Variants in CMTR1 observed in about 807,000 individuals in gnomAD.
The protein encoded by CMTR1 is cap methyltransferase 1, also known as cap-specific mRNA (nucleoside-2'-O-)-methyltransferase 1.
In CMTR1, 39 loss-of-function variants were observed where a neutral mutation model predicts 107.0. That is an observed-to-expected ratio of 0.36 (90% CI 0.28 to 0.48). The LOEUF (loss-of-function observed/expected upper bound fraction) is 0.48, where lower values mean the gene tolerates loss of function less well. CMTR1 is among the 20% of genes least tolerant of loss of function. CMTR1 has a pLI of 0.99. For missense variants in CMTR1, 672 were observed against 1,064.9 expected (o/e 0.63, Z 5.14); for synonymous variants, 366 against 379.5 (o/e 0.96, Z 0.41).
At chr6:37,441,292 A>C (rs1250404887) in intron 2 of CMTR1, among the ~76,000 whole-genome samples, 1 of 152,184 alleles carries the variant, frequency 6.6e-6, no homozygotes, top group Non-Finnish European at 1.5e-5. Context: ...GTCTTGAGCC[A>C]TTTAGAAGGC....
chr6:37,466,149 T>C (rs1761508008), intron 13 of CMTR1, among the ~76,000 whole-genome samples: 1 of 148,694 alleles, frequency 6.7e-6, no homozygotes. Flanking sequence ...AGTCTTGCTC[T>C]GTTACCAGGC....
chr6:37,461,328 G>A lies in CMTR1; in HGVS notation c.1096-221G>A, dbSNP rs540355475. On this transcript the variant is annotated intron_variant, in intron 10 of 23. Coordinates refer to ENST00000373451, the MANE Select transcript of CMTR1 (RefSeq NM_015050.3). The stretch of plus-strand genomic sequence containing the variant: ...CCATCCCCTGAGAATGACAGAGCAG[G>A]AAAGTGGAGCTGGTCCAGTAGTAGG... 1.8e-3 allele frequency among the ~76,000 whole-genome samples: 274 copies of A among 152,328 alleles called. 1 individual carries two copies. Among genetic ancestry groups the A allele is most frequent in the African/African-American group, 6.3e-3 (260 of 41,572 alleles).
intron 14 of CMTR1, among the ~76,000 whole-genome samples, chr6:37,471,339 G>A (rs1487393374): frequency 6.6e-6 from 1 of 152,208 alleles, no homozygotes; most frequent in African/African-American, 2.4e-5. Context: ...ATCAGAGGGT[G>A]TAGAGTGGCA....
chr6:37,452,665 C>CT (rs1761205637), intron 6 of CMTR1, among the ~76,000 whole-genome samples: 2 of 152,160 alleles, frequency 1.3e-5, no homozygotes, highest in South Asian at 4.1e-4. Flanking sequence ...TCTCCTCTCT[C>CT]TAAGTGAGGT....
Position 37,474,631 on chromosome 6 carries a change from T to C in CMTR1, c.1929T>C (p.His643=). 1.2e-6 allele frequency: 2 copies of C among 1,613,938 alleles called. No homozygotes were observed. Among genetic ancestry groups the C allele is most frequent in the Non-Finnish European group, 1.7e-6 (2 of 1,179,846 alleles). The change falls in exon 18 of 24, where the codon CAT becomes CAC. Residue 643 remains histidine (H), a synonymous_variant. Transcript: ENST00000373451. ...CTCTGCTATCTGTGGAAATTGTGCA[T>C]GAGCTGAAAGGGGAGGTCAGAGATG... ...RDTLLSVEIV[H]ELKGEGKAQR...
At chr6:37,440,891 C>G (rs1207563478) in intron 2 of CMTR1, among the ~76,000 whole-genome samples, 1 of 152,238 alleles carries the variant, frequency 6.6e-6, no homozygotes, top group Admixed American at 6.5e-5. Flanking sequence ...TCAGGCAAAT[C>G]TAACAGCCTG....
chr6:37,474,707 C>T (rs929771680), intron 18 of CMTR1, 61 bp downstream of exon 18: 43 of 1,596,134 alleles, frequency 2.7e-5, no homozygotes, highest in Non-Finnish European at 3.6e-5. Context: ...GGCTGCTGAA[C>T]CTGGCCTTTT....
intron 2 of CMTR1, among the ~76,000 whole-genome samples, chr6:37,440,277 A>G (rs1281286351): frequency 6.6e-6 from 1 of 152,276 alleles, no homozygotes; most frequent in Middle Eastern, 3.4e-3. Context: ...TATCTGCTCA[A>G]TGTTTGCTAA....
intron 3 of CMTR1, among the ~76,000 whole-genome samples, chr6:37,444,959 G>A (rs62406510): frequency 0.4 from 60,828 of 152,008 alleles, 15,042 homozygotes; most frequent in Middle Eastern, 0.6. Flanking sequence ...CTGAGAGGTG[G>A]AGCTTGCAGT....
upstream of CMTR1, among the ~76,000 whole-genome samples, chr6:37,430,155 A>G (rs1242239556): frequency 6.6e-6 from 1 of 152,154 alleles, no homozygotes; most frequent in Non-Finnish European, 1.5e-5. Context: ...GGGGAAAAAA[A>G]TTGGGAAACT....
At chr6:37,431,738 T>C (rs1258953450), upstream of CMTR1, among the ~76,000 whole-genome samples, 1 of 152,160 alleles carries the variant, frequency 6.6e-6, no homozygotes, top group Non-Finnish European at 1.5e-5. Flanking sequence ...GAGGGATAAA[T>C]GGACATTAGC....
chr6:37,448,271 T>C (rs949967851), intron 4 of CMTR1, among the ~76,000 whole-genome samples: 1 of 146,534 alleles, frequency 6.8e-6, no homozygotes, highest in African/African-American at 2.5e-5. Context: ...TTACAGTAGG[T>C]GAGTCTGGGT....
the CMTR1 span, among the ~76,000 whole-genome samples, chr6:37,427,734 T>G: frequency 6.6e-6 from 1 of 152,220 alleles, no homozygotes; most frequent in Admixed American, 6.5e-5. This position sits in a 1 kb window ranked among gnomAD's most constrained non-coding sequence, Gnocchi z 4.4. Context: ...TCAGGCTGAA[T>G]AACTTCCTTT....
At chr6:37,476,018 C>G in intron 19 of CMTR1, 108 bp from the exon 20 acceptor site, 3 of 1,072,890 alleles carry the variant, frequency 2.8e-6, no homozygotes, top group Non-Finnish European at 4.3e-6. Flanking sequence ...GCAGTCTTGC[C>G]GCAGATTCAG....
intron 1 of CMTR1, among the ~76,000 whole-genome samples, chr6:37,433,820 C>T (rs1487855121): frequency 2.0e-5 from 3 of 152,200 alleles, no homozygotes; most frequent in Admixed American, 2.0e-4. Flanking sequence ...TTGAGCAGGG[C>T]ACTGGTTAGC....
Position 37,458,086 on chromosome 6 carries a change from G to A in CMTR1, c.778-526G>A, listed in dbSNP as rs922410364. Reference sequence around the variant, plus strand: ...GTTGTTTTTGTTGAGACAGGGTCTCGGTCTGTCGCCCAGGCTCAAGTGCAG... The same window carrying A: ...GTTGTTTTTGTTGAGACAGGGTCTCAGTCTGTCGCCCAGGCTCAAGTGCAG... On this transcript the variant is annotated intron_variant, in intron 8 of 23. Transcript: ENST00000373451. The surrounding 1 kb of genome is among the most constrained non-coding windows in gnomAD (Gnocchi z 4.7). 2.0e-5 allele frequency among the ~76,000 whole-genome samples: 3 copies of A among 152,006 alleles called. No homozygotes were observed. Among genetic ancestry groups the A allele is most frequent in the African/African-American group, 4.8e-5 (2 of 41,384 alleles).
chr6:37,450,138 C>G, intron 4 of CMTR1, 113 bp from the exon 5 acceptor site: 1 of 832,824 alleles, frequency 1.2e-6, no homozygotes, highest in South Asian at 1.7e-5. Context: ...CAACCTGCAC[C>G]CTTCTCGGTC....
intron 5 of CMTR1, 106 bp downstream of exon 5, chr6:37,450,449 C>T (rs1438895224): frequency 3.7e-6 from 3 of 813,796 alleles, no homozygotes; most frequent in African/African-American, 3.4e-5. Context: ...AAATGTGAAT[C>T]TGACCATTCA....
At position 37,453,095 on chromosome 6, in the gene CMTR1, C is replaced by T. The variant is rs1045092549; in HGVS notation, c.658C>T (p.Arg220Trp). Reference protein sequence around the residue: ...DGEEMRRARTRANPYEMIRGV... With the variant: ...DGEEMRRARTWANPYEMIRGV... ...GGAAGAGATGCGGCGAGCTCGGACT[C>T]GGGCCAATCCCTATGAGATGATCCG... is the stretch of plus-strand genomic sequence containing the variant. The change falls in exon 7 of 24, where the codon CGG becomes TGG. Residue 220 changes from arginine (R) to tryptophan (W), a missense_variant. Transcript: ENST00000373451. The T allele has an allele frequency of 1.2e-6, 2 of 1,614,148 alleles. No homozygotes were observed. Among genetic ancestry groups the T allele is most frequent in the Non-Finnish European group, 1.7e-6 (2 of 1,180,032 alleles).
Sources: allele counts gnomAD v4.1 joint callset (sites outside exome capture counted in the v4.1 genomes callset), GRCh38; gene constraint gnomAD v4.1.1; non-coding constraint Gnocchi (gnomAD v3.1); transcripts MANE v1.5; gene names NCBI Gene and HGNC (gene_info 2026-07-23, HGNC 2026-07-21).